Variants in PDCD4 observed in about 807,000 individuals in gnomAD.
PDCD4 encodes programmed cell death 4.
A neutral mutation model predicts 54.0 loss-of-function variants in PDCD4; 56 were observed. The ratio of observed to expected loss-of-function variants is 1.04; its 90% CI spans 0.84 to 1.30. The LOEUF (loss-of-function observed/expected upper bound fraction) is 1.30, where lower values mean the gene tolerates loss of function less well. PDCD4 is among the 50% of genes most tolerant of loss of function. The probability of loss-of-function intolerance (pLI) is 0.00; values close to 1 mark genes in which losing one functional copy is unlikely to be tolerated. For synonymous variants in PDCD4, 186 were observed against 194.8 expected, an observed-to-expected ratio of 0.95 and a Z score of 0.37; for missense variants, 584 against 559.8, an observed-to-expected ratio of 1.04 and a Z score of -0.44.
intron 6 of PDCD4, among the ~76,000 whole-genome samples, chr10:110,888,246 A>G (rs1426283648): frequency 1.3e-5 from 2 of 152,048 alleles, no homozygotes; most frequent in Non-Finnish European, 2.9e-5. Flanking sequence ...AATGTTTATT[A>G]TAAGAAGTCA....
At chr10:110,874,136 T>C (rs937367656) in intron 1 of PDCD4, among the ~76,000 whole-genome samples, 2 of 152,198 alleles carry the variant, frequency 1.3e-5, no homozygotes, top group Non-Finnish European at 1.5e-5. Flanking sequence ...CTTGGACATA[T>C]CACCTACCCT....
intron 1 of PDCD4, among the ~76,000 whole-genome samples, chr10:110,872,842 A>G (rs1845441565): frequency 6.6e-6 from 1 of 152,240 alleles, no homozygotes; most frequent in South Asian, 2.1e-4. Context: ...TGATGCTGTA[A>G]CGTACATGGG....
At chr10:110,895,735 A>G (rs1288616391) in intron 10 of PDCD4, among the ~76,000 whole-genome samples, 3 of 152,158 alleles carry the variant, frequency 2.0e-5, no homozygotes, top group Non-Finnish European at 4.4e-5. Context: ...AACCTTGCCA[A>G]TGTCTGTTAT....
At chr10:110,897,920 T>C in intron 11 of PDCD4, 108 bp from the exon 12 acceptor site, 1 of 638,638 alleles carries the variant, frequency 1.6e-6, no homozygotes, top group Non-Finnish European at 2.5e-6. Context: ...GGAAAACCCT[T>C]TAAAAGCTAA....
At position 110,889,625 on chromosome 10, in the gene PDCD4, G is replaced by A; in HGVS notation, c.870G>A (p.Gln290=). 6.5e-7 allele frequency: 1 copy of A among 1,541,126 alleles called. No individual in the cohort carries two copies. ...ACAAAGGAACTGTAGATTGTGTGCA[G>A]GCTAGGTAAGTAAATCACTTTTCCT... ...DSYKGTVDCV[Q]ARAALDKATV... Residue 290 remains glutamine (Q), a synonymous_variant, in exon 7 of 12, where the codon CAG becomes CAA. Coordinates refer to ENST00000280154, the MANE Select transcript of PDCD4 (RefSeq NM_014456.5).
chr10:110,889,638 A>T lies in PDCD4; in HGVS notation c.875+8A>T. 6.8e-7 allele frequency: 1 copy of T among 1,470,776 alleles called. No homozygotes were observed. Among genetic ancestry groups the T allele is most frequent in the South Asian group, 1.2e-5 (1 of 83,900 alleles). 91.1% of individuals were successfully genotyped at this position (1,470,776 alleles called of 1,614,324 possible). A position where few individuals can be genotyped will look rare whatever the true frequency, so the allele number is the denominator to read the frequency against. ...AGATTGTGTGCAGGCTAGGTAAGTA[A>T]ATCACTTTTCCTACTTAGAATTTCA... On this transcript the variant is annotated splice_region_variant and intron_variant, in intron 7 of 11. Coordinates refer to ENST00000280154, the MANE Select transcript of PDCD4 (RefSeq NM_014456.5).
At chr10:110,896,113 C>T (rs746208410) in intron 11 of PDCD4, 26 bp downstream of exon 11, 1 of 1,537,176 alleles carries the variant, frequency 6.5e-7, no homozygotes, top group Admixed American at 1.9e-5. Flanking sequence ...ACTACTTTCT[C>T]AATGTAAAAT....
At chr10:110,886,608 A>G (rs1181348129) in intron 5 of PDCD4, among the ~76,000 whole-genome samples, 1 of 152,136 alleles carries the variant, frequency 6.6e-6, no homozygotes, top group Non-Finnish European at 1.5e-5. Flanking sequence ...ACTGAATTAG[A>G]ACTTAGCTTC....
At chr10:110,872,685 A>T (rs1337559445) in intron 1 of PDCD4, among the ~76,000 whole-genome samples, 1 of 152,196 alleles carries the variant, frequency 6.6e-6, no homozygotes, top group Non-Finnish European at 1.5e-5. Context: ...CCGCCGCCCC[A>T]TCCCTGCGCG....
chr10:110,896,212 G>C (rs1441180944), intron 11 of PDCD4, 125 bp downstream of exon 11: 2 of 697,040 alleles, frequency 2.9e-6, no homozygotes, highest in Admixed American at 3.1e-5. Context: ...TGAGTTCATG[G>C]AGAAAGAAGG....
At chr10:110,875,483 A>G (rs1425112419) in intron 1 of PDCD4, among the ~76,000 whole-genome samples, 2 of 152,148 alleles carry the variant, frequency 1.3e-5, no homozygotes, top group Non-Finnish European at 2.9e-5. Flanking sequence ...ATATGCCGTA[A>G]TGTGAAAAAT....
chr10:110,896,136 CT>C, intron 11 of PDCD4, 49 bp downstream of exon 11: 1 of 1,408,676 alleles, frequency 7.1e-7, no homozygotes, highest in Non-Finnish European at 9.8e-7. Flanking sequence ...TGGATGAGAT[CT>C]TTGGGAAGGT....
intron 11 of PDCD4, among the ~76,000 whole-genome samples, chr10:110,897,423 C>T (rs1845857246): frequency 6.6e-6 from 1 of 152,172 alleles, no homozygotes; most frequent in South Asian, 2.1e-4. Context: ...TGCTTTAGGC[C>T]ACTGGCCAGC....
intron 11 of PDCD4, 24 bp downstream of exon 11, chr10:110,896,111 C>T: frequency 6.5e-7 from 1 of 1,540,802 alleles, no homozygotes; most frequent in East Asian, 2.3e-5. Context: ...ATACTACTTT[C>T]TCAATGTAAA....
At chr10:110,894,719 G>GT (rs200913544) in intron 10 of PDCD4, among the ~76,000 whole-genome samples, 197 bp downstream of exon 10, 2,282 of 127,398 alleles carry the variant, frequency 0.018, 46 homozygotes, top group South Asian at 0.1. Context: ...ACACTGCAGT[G>GT]TTTTTTTTTT....
intron 8 of PDCD4, among the ~76,000 whole-genome samples, chr10:110,893,528 A>T (rs546395735): frequency 2.0e-5 from 3 of 152,038 alleles, no homozygotes; most frequent in African/African-American, 7.2e-5. Context: ...GAAAATCAAG[A>T]CTTGTCTCTT....
chr10:110,881,239 A>G lies in PDCD4; in HGVS notation c.50A>G (p.Asp17Gly), dbSNP rs760881155. Reference sequence around the variant, plus strand: ...CTTCATTTTTCTCTTTAAGATCCTGATAACTTAAGTGACTCTCTCTTTTCC... The same window carrying G: ...CTTCATTTTTCTCTTTAAGATCCTGGTAACTTAAGTGACTCTCTCTTTTCC... ...QILNVNPADPDNLSDSLFSGD... is the reference protein window; with the variant it reads ...QILNVNPADPGNLSDSLFSGD... The change falls in exon 3 of 12, where the codon GAT becomes GGT. Residue 17 changes from aspartate (D) to glycine (G), a missense_variant. Transcript: ENST00000280154. The G allele has an allele frequency of 1.7e-5, 28 of 1,608,828 alleles. No individual in the cohort carries two copies. The highest frequency in any genetic ancestry group is 2.3e-5 in the Non-Finnish European group (27 of 1,176,926).
chr10:110,882,902 A>T (rs1400177758), intron 3 of PDCD4, 101 bp from the exon 4 acceptor site: 4 of 746,040 alleles, frequency 5.4e-6, no homozygotes, highest in South Asian at 1.6e-5. Context: ...GTTAAATACA[A>T]TTTTTTTTTA....
intron 6 of PDCD4, among the ~76,000 whole-genome samples, chr10:110,888,864 T>A (rs775688194): frequency 2.6e-5 from 4 of 152,026 alleles, no homozygotes; most frequent in African/African-American, 4.8e-5. Flanking sequence ...TCTATACAAC[T>A]TTTTTTCTCC....
Sources: gnomAD v4.1 joint callset for allele counts (sites outside exome capture counted in the v4.1 genomes callset) on GRCh38, gnomAD v4.1.1 for gene constraint, MANE v1.5 for transcripts, NCBI Gene and HGNC (gene_info 2026-07-23, HGNC 2026-07-21) for gene names.